Variants in OTOGL observed in about 807,000 individuals in gnomAD.
OTOGL encodes otogelin like.
A neutral mutation model predicts 318.5 loss-of-function variants in OTOGL; 285 were observed. That is an observed-to-expected ratio of 0.89 (90% CI 0.81 to 0.99). OTOGL has a LOEUF of 0.99. Ranked by LOEUF, OTOGL falls within the 50% of genes least tolerant of loss-of-function variation. The probability of loss-of-function intolerance (pLI) is 0.00; values close to 1 mark genes in which losing one functional copy is unlikely to be tolerated. For missense variants in OTOGL, 2,899 were observed against 2,845.6 expected (o/e 1.02, Z -0.43); for synonymous variants, 987 against 936.5 (o/e 1.05, Z -0.99).
chr12:80,367,481 A>G, intron 53 of OTOGL, 80 bp from the exon 54 acceptor site: 2 of 1,113,994 alleles, frequency 1.8e-6, no homozygotes, highest in Non-Finnish European at 2.4e-6. Context: ...GAAAACATAG[A>G]CTCAAATATA....
chr12:80,142,566 G>A (rs1872021900), intron 1 of OTOGL, among the ~76,000 whole-genome samples: 1 of 152,056 alleles, frequency 6.6e-6, no homozygotes, highest in South Asian at 2.1e-4. Flanking sequence ...CATCTGTATT[G>A]GCAGGAACCA....
At chr12:80,161,749 G>A (rs988574945) in intron 1 of OTOGL, among the ~76,000 whole-genome samples, 33 of 152,050 alleles carry the variant, frequency 2.2e-4, no homozygotes, top group African/African-American at 8.0e-4. Flanking sequence ...TAGGACATAC[G>A]GGGGAGCTCA....
chr12:80,328,390 A>AGTG (rs1475380665), intron 35 of OTOGL, among the ~76,000 whole-genome samples: 1 of 152,116 alleles, frequency 6.6e-6, no homozygotes, highest in Non-Finnish European at 1.5e-5. Context: ...CCACTGACTT[A>AGTG]TGGAACAGGG....
rs529318853 is a variant in OTOGL, at chr12:80,215,649, G to T, written c.169-1949G>T. Among the ~76,000 whole-genome samples the T allele has an allele frequency of 1.1e-4, 16 of 152,294 alleles. No individual in the cohort carries two copies. The South Asian group carries it at 3.1e-3, about 30-fold the overall frequency. The stretch of plus-strand genomic sequence containing the variant: ...GCCCTATAAGGTAGAAGTCATTATA[G>T]AGTAGAAGTCATTATACACTTTTAG... On this transcript the variant is annotated intron_variant, in intron 4 of 58. Coordinates refer to ENST00000547103, the MANE Select transcript of OTOGL (RefSeq NM_001378609.3).
intron 1 of OTOGL, among the ~76,000 whole-genome samples, chr12:80,192,610 C>G (rs1020642471): frequency 1.3e-5 from 2 of 152,156 alleles, no homozygotes; most frequent in Admixed American, 6.5e-5. Flanking sequence ...GAAGCATTAC[C>G]CAACTGCCAC....
intron 13 of OTOGL, 24 bp downstream of exon 13, chr12:80,252,225 T>C (rs766345576): frequency 1.9e-6 from 3 of 1,588,244 alleles, no homozygotes; most frequent in Non-Finnish European, 2.6e-6. Context: ...GAAGAAACCA[T>C]GTCTGCACTC....
chr12:80,101,657 T>C (rs1162588472), intron 1 of OTOGL, among the ~76,000 whole-genome samples: 1 of 152,188 alleles, frequency 6.6e-6, no homozygotes, highest in African/African-American at 2.4e-5. Flanking sequence ...CATATAATCA[T>C]CACAGTAAGT....
chr12:80,207,175 A>T (rs1876870889), intron 1 of OTOGL, among the ~76,000 whole-genome samples: 1 of 152,026 alleles, frequency 6.6e-6, no homozygotes, highest in South Asian at 2.1e-4. Flanking sequence ...TTTATGCTTG[A>T]GATTTTTCCA....
intron 57 of OTOGL, among the ~76,000 whole-genome samples, chr12:80,375,863 C>G (rs1384217189): frequency 6.6e-6 from 1 of 151,928 alleles, no homozygotes; most frequent in East Asian, 1.9e-4. Flanking sequence ...TGCACTCAAC[C>G]AACAGCACTG....
chr12:80,367,459 G>A, intron 53 of OTOGL, 102 bp from the exon 54 acceptor site: 1 of 859,070 alleles, frequency 1.2e-6, no homozygotes, highest in Non-Finnish European at 1.6e-6. Flanking sequence ...TGAAAAATTG[G>A]CACATCGCAA....
Position 80,196,842 on chromosome 12 carries a change from C to T in OTOGL, c.-19-12571C>T, listed in dbSNP as rs868582936. Among the ~76,000 whole-genome samples the T allele has an allele frequency of 2.6e-5, 4 of 152,248 alleles. No homozygotes were observed. The South Asian group carries it at 6.2e-4, about 24-fold the overall frequency. On this transcript the variant is annotated intron_variant, in intron 1 of 58. Transcript: ENST00000547103. Reference sequence around the variant, plus strand: ...GTCTAACTGGATTTCCTCCTCTAGGCCAGGGCCTTCCAAATTTAACCTGAG... The same window carrying T: ...GTCTAACTGGATTTCCTCCTCTAGGTCAGGGCCTTCCAAATTTAACCTGAG...
At chr12:80,214,997 A>G (rs1386729091) in intron 4 of OTOGL, among the ~76,000 whole-genome samples, 5 of 152,182 alleles carry the variant, frequency 3.3e-5, no homozygotes, top group South Asian at 4.1e-4. Context: ...TGTTGTAGCC[A>G]GAGAGGTGGT....
At chr12:80,241,224 G>T (rs1880348859) in intron 11 of OTOGL, among the ~76,000 whole-genome samples, 1 of 151,994 alleles carries the variant, frequency 6.6e-6, no homozygotes. Flanking sequence ...ATATTTTCCA[G>T]ATACTAAAAT....
At chr12:80,125,588 G>T (rs976839850) in intron 1 of OTOGL, among the ~76,000 whole-genome samples, 1 of 152,126 alleles carries the variant, frequency 6.6e-6, no homozygotes, top group Admixed American at 6.5e-5. Context: ...TTTTTCTATT[G>T]TTTGGAATAG....
intron 1 of OTOGL, among the ~76,000 whole-genome samples, chr12:80,149,611 T>A (rs868559827): frequency 3.3e-5 from 5 of 151,992 alleles, no homozygotes; most frequent in East Asian, 1.9e-4. Context: ...TCGAGCTTCC[T>A]GGCTGCTTTG....
intron 1 of OTOGL, among the ~76,000 whole-genome samples, chr12:80,203,909 G>A (rs1218243510): frequency 6.6e-6 from 1 of 152,138 alleles, no homozygotes; most frequent in African/African-American, 2.4e-5. Flanking sequence ...AGGTTCGCTA[G>A]GTAATTCTTA....
At chr12:80,161,962 A>G (rs997378318) in intron 1 of OTOGL, among the ~76,000 whole-genome samples, 2 of 152,208 alleles carry the variant, frequency 1.3e-5, no homozygotes, top group Admixed American at 6.6e-5. Flanking sequence ...AGCTTTGCCA[A>G]TGTTTGGATT....
At chr12:80,109,503 T>G (rs1869696978) in intron 1 of OTOGL, among the ~76,000 whole-genome samples, 1 of 152,208 alleles carries the variant, frequency 6.6e-6, no homozygotes, top group Non-Finnish European at 1.5e-5. Flanking sequence ...TTCTCTGCCA[T>G]TGTTGTTGAT....
chr12:80,122,279 C>T (rs564544935), intron 1 of OTOGL, among the ~76,000 whole-genome samples: 2 of 152,240 alleles, frequency 1.3e-5, no homozygotes, highest in Admixed American at 1.3e-4. Flanking sequence ...TACACTGTCA[C>T]ATCAAGATCA....
Sources: gnomAD v4.1 joint callset for allele counts (sites outside exome capture counted in the v4.1 genomes callset) on GRCh38, gnomAD v4.1.1 for gene constraint, MANE v1.5 for transcripts, NCBI Gene and HGNC (gene_info 2026-07-23, HGNC 2026-07-21) for gene names.